JAKMIP1: variants seen among roughly 807,000 people sequenced by gnomAD.
JAKMIP1 encodes the protein janus kinase and microtubule interacting protein 1.
JAKMIP1 carries 33 observed loss-of-function variants against 113.0 expected under a neutral mutation model. The ratio of observed to expected loss-of-function variants is 0.29; its 90% CI spans 0.22 to 0.39. JAKMIP1 has a LOEUF of 0.39. Ranked by LOEUF, JAKMIP1 falls within the 10% of genes least tolerant of loss-of-function variation. The probability of loss-of-function intolerance (pLI) is 1.00; values close to 1 mark genes in which losing one functional copy is unlikely to be tolerated. For missense variants in JAKMIP1, 813 were observed against 1,080.5 expected, an observed-to-expected ratio of 0.75 and a Z score of 3.47; for synonymous variants, 480 against 459.9, an observed-to-expected ratio of 1.04 and a Z score of -0.56.
rs1726459661 is a variant in JAKMIP1 at position 6,184,790 on chromosome 4, T to C, written c.-148+15463A>G. On this transcript the variant is annotated intron_variant, in intron 1 of 20. Coordinates refer to ENST00000409021, the MANE Select transcript of JAKMIP1 (RefSeq NM_001099433.2). This position sits in a 1 kb window ranked among gnomAD's most constrained non-coding sequence, Gnocchi z 4.5. ...TGGACAGAAGGATAGAAAGTATTGT[T>C]CCTGAGTGTGTCTGTGAGGATCTTA... Among the ~76,000 whole-genome samples the C allele has an allele frequency of 6.6e-6, 1 of 152,214 alleles. No homozygotes were observed. The highest frequency in any genetic ancestry group is 2.4e-5 in the African/African-American group (1 of 41,456).
At position 6,103,901 on chromosome 4, in the gene JAKMIP1, G is replaced by T. The variant is rs138720761; in HGVS notation, c.624+1572C>A. Among the ~76,000 whole-genome samples, 566 of 152,092 alleles carry T rather than the reference G, an allele frequency of 3.7e-3. 3 individuals carry two copies. Among genetic ancestry groups the T allele is most frequent in the African/African-American group, 0.013 (552 of 41,484 alleles). ...GCTTTATCAATATTGCTAAATGTTTGTCAATTTATCAGTTTTAATTAACTC... is the reference window on the plus strand; with the variant it reads ...GCTTTATCAATATTGCTAAATGTTTTTCAATTTATCAGTTTTAATTAACTC... On this transcript the variant is annotated intron_variant, in intron 3 of 20. Coordinates refer to ENST00000409021, the MANE Select transcript of JAKMIP1 (RefSeq NM_001099433.2).
At position 6,135,677 on chromosome 4, in the gene JAKMIP1, GTTGCTTC is replaced by G. The variant is rs1719126560; in HGVS notation, c.-147-22687_-147-22681del. On this transcript the variant is annotated intron_variant, in intron 1 of 20. Coordinates refer to ENST00000409021, the MANE Select transcript of JAKMIP1 (RefSeq NM_001099433.2). The surrounding 1 kb of genome is among the most constrained non-coding windows in gnomAD (Gnocchi z 4.9). ...TCAACCATACCACCCCCGCTGAGAA[GTTGCTTC>G]TTGCCCCATGTTACCTATGACAAAC... 6.6e-6 allele frequency among the ~76,000 whole-genome samples: 1 copy of G among 152,192 alleles called. No homozygotes were observed. Among genetic ancestry groups the G allele is most frequent in the African/African-American group, 2.4e-5 (1 of 41,458 alleles).
In JAKMIP1 at chr4:6,031,517, G is replaced by A. The variant is rs1560621826; in HGVS notation, c.2380-1736C>T. On this transcript the variant is annotated intron_variant, in intron 19 of 20. Transcript: ENST00000409021. The surrounding 1 kb of genome is among the most constrained non-coding windows in gnomAD (Gnocchi z 4.4). ...GTTAGTTCACCAGATGCACAAGAGGGGAAAGGAATTCCAGGCAGAGGGAAC... is the reference window on the plus strand; with the variant it reads ...GTTAGTTCACCAGATGCACAAGAGGAGAAAGGAATTCCAGGCAGAGGGAAC... 6.6e-6 allele frequency among the ~76,000 whole-genome samples: 1 copy of A among 152,150 alleles called. No homozygotes were observed. The highest frequency in any genetic ancestry group is 2.4e-5 in the African/African-American group (1 of 41,432).
At chr4:6,100,408 A>G (rs1438631092) in intron 3 of JAKMIP1, among the ~76,000 whole-genome samples, 1 of 152,266 alleles carries the variant, frequency 6.6e-6, no homozygotes, top group African/African-American at 2.4e-5. Context: ...ATATTGAAGC[A>G]TATATCAATA....
intron 16 of JAKMIP1, among the ~76,000 whole-genome samples, chr4:6,045,643 C>T (rs112356910): frequency 2.6e-5 from 4 of 152,182 alleles, no homozygotes; most frequent in South Asian, 2.1e-4. Context: ...GAGGCCAAGG[C>T]GGGTAGATCA....
chr4:6,067,556 C>A lies in JAKMIP1; in HGVS notation c.1303-2548G>T, dbSNP rs755272981. On this transcript the variant is annotated intron_variant, in intron 8 of 20. Coordinates refer to ENST00000409021, the MANE Select transcript of JAKMIP1 (RefSeq NM_001099433.2). The surrounding 1 kb of genome is among the most constrained non-coding windows in gnomAD (Gnocchi z 4.6). Reference sequence around the variant, plus strand: ...GTGACATCCCATGGTGACAATGGCACCCACGGGAGTGATGCATCTGCAGCA... The same window carrying A: ...GTGACATCCCATGGTGACAATGGCAACCACGGGAGTGATGCATCTGCAGCA... 6.7e-6 allele frequency among the ~76,000 whole-genome samples: 1 copy of A among 149,862 alleles called. No individual in the cohort carries two copies. The highest frequency in any genetic ancestry group is 2.5e-5 in the African/African-American group (1 of 40,624).
At chr4:6,124,730 G>T (rs577684477) in intron 1 of JAKMIP1, among the ~76,000 whole-genome samples, 1 of 152,334 alleles carries the variant, frequency 6.6e-6, no homozygotes, top group East Asian at 1.9e-4. Context: ...GCTGTCCCCT[G>T]CAGGCCTCTG....
rs930067427 is a variant in JAKMIP1 at position 6,197,096 on chromosome 4, C to T, written c.-148+3157G>A. Among the ~76,000 whole-genome samples the T allele has an allele frequency of 3.3e-5, 5 of 152,262 alleles. No individual in the cohort carries two copies. The highest frequency in any genetic ancestry group is 5.9e-5 in the Non-Finnish European group (4 of 68,026). On this transcript the variant is annotated intron_variant, in intron 1 of 20. Coordinates refer to ENST00000409021, the MANE Select transcript of JAKMIP1 (RefSeq NM_001099433.2). The surrounding 1 kb of genome is among the most constrained non-coding windows in gnomAD (Gnocchi z 6.5). ...CCCGTGCAGCAAAGATGAGATAACC[C>T]GAGGCAGAAGCGGGAGGTTAAGTGC...
Position 6,154,146 on chromosome 4 carries a change from C to A in JAKMIP1, c.-147-41149G>T, listed in dbSNP as rs1270332821. ...TGTCCTGCAGAGCTGATAAACCCTG[C>A]ACTCAGGGAGACACTGACCCTCGCA... is the stretch of plus-strand genomic sequence containing the variant. On this transcript the variant is annotated intron_variant, in intron 1 of 20. Transcript: ENST00000409021. This position sits in a 1 kb window ranked among gnomAD's most constrained non-coding sequence, Gnocchi z 4.2. Among the ~76,000 whole-genome samples the A allele has an allele frequency of 1.3e-5, 2 of 152,230 alleles. No individual in the cohort carries two copies.
At chr4:6,132,845 GTTAT>G (rs1718699221) in intron 1 of JAKMIP1, among the ~76,000 whole-genome samples, 1 of 152,036 alleles carries the variant, frequency 6.6e-6, no homozygotes, top group African/African-American at 2.4e-5. Context: ...CACAACTTGT[GTTAT>G]TTGTTTCTGT....
intron 1 of JAKMIP1, among the ~76,000 whole-genome samples, chr4:6,127,826 C>T (rs910071951): frequency 1.3e-5 from 2 of 152,234 alleles, no homozygotes; most frequent in African/African-American, 2.4e-5. Context: ...CTTCTCATTT[C>T]GAACCAAAAA....
chr4:6,126,670 C>G (rs1390021077), intron 1 of JAKMIP1, among the ~76,000 whole-genome samples: 3 of 149,362 alleles, frequency 2.0e-5, no homozygotes, highest in Non-Finnish European at 3.0e-5. Context: ...ATGCCCCCCC[C>G]ACACACACCC....
At chr4:6,062,528 T>C (rs1463120417) in intron 9 of JAKMIP1, 88 bp from the exon 10 acceptor site, 8 of 1,397,270 alleles carry the variant, frequency 5.7e-6, no homozygotes, top group East Asian at 2.5e-5. Flanking sequence ...TAAACATAAA[T>C]AAACACTTGC....
intron 3 of JAKMIP1, among the ~76,000 whole-genome samples, chr4:6,090,462 CATT>C (rs1721894698): frequency 6.6e-6 from 1 of 152,152 alleles, no homozygotes; most frequent in South Asian, 2.1e-4. Flanking sequence ...AAATAAATGT[CATT>C]GTTGTAAGCC....
chr4:6,062,563 C>A, intron 9 of JAKMIP1, 123 bp from the exon 10 acceptor site: 2 of 1,050,184 alleles, frequency 1.9e-6, no homozygotes, highest in Non-Finnish European at 1.4e-6. Flanking sequence ...CCAGGGTCAA[C>A]TTAGACATCA....
At chr4:6,171,716 C>G (rs893166993) in intron 1 of JAKMIP1, among the ~76,000 whole-genome samples, 27 of 152,158 alleles carry the variant, frequency 1.8e-4, no homozygotes, top group African/African-American at 5.8e-4. Context: ...GCTACTGAAC[C>G]CAGGAGTACC....
At chr4:6,120,053 C>G (rs564652490) in intron 1 of JAKMIP1, among the ~76,000 whole-genome samples, 1 of 152,152 alleles carries the variant, frequency 6.6e-6, no homozygotes, top group African/African-American at 2.4e-5. Flanking sequence ...ACACTTCCTG[C>G]AAACTTCACC....
Position 6,064,035 on chromosome 4 carries a change from C to A in JAKMIP1, c.1431+845G>T, listed in dbSNP as rs1717695319. On this transcript the variant is annotated intron_variant, in intron 9 of 20. Transcript: ENST00000409021. This position sits in a 1 kb window ranked among gnomAD's most constrained non-coding sequence, Gnocchi z 4.3. ...TCCGCACCCCCTTCCCACTCTTGCTCTTCCCTGGGCTCAGAAAAAGCCACC... is the reference window on the plus strand; with the variant it reads ...TCCGCACCCCCTTCCCACTCTTGCTATTCCCTGGGCTCAGAAAAAGCCACC... 6.6e-6 allele frequency among the ~76,000 whole-genome samples: 1 copy of A among 152,238 alleles called. No homozygotes were observed. Among genetic ancestry groups the A allele is most frequent in the Non-Finnish European group, 1.5e-5 (1 of 68,034 alleles).
In JAKMIP1 at chr4:6,157,359, G is replaced by T. The variant is rs769777717; in HGVS notation, c.-148+42894C>A. Among the ~76,000 whole-genome samples, 1 of 152,166 alleles carries T rather than the reference G, an allele frequency of 6.6e-6. No individual in the cohort carries two copies. The highest frequency in any genetic ancestry group is 1.5e-5 in the Non-Finnish European group (1 of 68,030). On this transcript the variant is annotated intron_variant, in intron 1 of 20. Coordinates refer to ENST00000409021, the MANE Select transcript of JAKMIP1 (RefSeq NM_001099433.2). This position sits in a 1 kb window ranked among gnomAD's most constrained non-coding sequence, Gnocchi z 4.7. ...GGATGGGAAGCTGGCGCACAACACA[G>T]GGTTGTCCCAAGAACCAAATGAGAT...
Sources: gnomAD v4.1 joint callset for allele counts (sites outside exome capture counted in the v4.1 genomes callset) on GRCh38, gnomAD v4.1.1 for gene constraint, Gnocchi (gnomAD v3.1) non-coding constraint, MANE v1.5 for transcripts, NCBI Gene and HGNC (gene_info 2026-07-23, HGNC 2026-07-21) for gene names.